Variants in IRAK1BP1 observed in about 807,000 individuals in gnomAD.
IRAK1BP1 encodes the protein interleukin-1 receptor-associated kinase 1-binding protein 1.
Under a neutral mutation model 28.0 loss-of-function variants are expected in IRAK1BP1, and 24 were observed. The ratio of observed to expected loss-of-function variants is 0.86; its 90% confidence interval spans 0.62 to 1.20. IRAK1BP1 has a LOEUF of 1.20. IRAK1BP1 is among the 50% of genes most tolerant of loss of function. The pLI is 0.00. For synonymous variants in IRAK1BP1, 131 were observed against 116.3 expected (o/e 1.13, Z -0.81); for missense variants, 336 against 316.7 (o/e 1.06, Z -0.46).
the IRAK1BP1 span, among the ~76,000 whole-genome samples, chr6:78,971,536 G>A: frequency 6.8e-4 from 104 of 152,300 alleles, no homozygotes; most frequent in African/African-American, 9.4e-4. Context: ...CAAGATGGCC[G>A]AATAGGAACA....
chr6:78,931,639 T>C (rs1773048397), intron 4 of IRAK1BP1, among the ~76,000 whole-genome samples: 1 of 152,210 alleles, frequency 6.6e-6, no homozygotes, highest in Admixed American at 6.5e-5. Context: ...GTCTGTTACA[T>C]GTGCAACAGA....
At chr6:78,928,090 G>A (rs533096347) in intron 4 of IRAK1BP1, among the ~76,000 whole-genome samples, 1 of 151,932 alleles carries the variant, frequency 6.6e-6, no homozygotes, top group East Asian at 1.9e-4. Context: ...TTGGTATTTT[G>A]ATATCTGTAG....
At chr6:78,974,756 T>C in the IRAK1BP1 span, among the ~76,000 whole-genome samples, 1 of 151,780 alleles carries the variant, frequency 6.6e-6, no homozygotes, top group African/African-American at 2.4e-5. Context: ...TCTACGCAAA[T>C]AAACTAGAAA....
At chr6:78,929,580 G>C (rs1391188877) in intron 4 of IRAK1BP1, among the ~76,000 whole-genome samples, 2 of 152,022 alleles carry the variant, frequency 1.3e-5, no homozygotes. Flanking sequence ...AAAAACTATG[G>C]GTACTATGCT....
Position 78,902,805 on chromosome 6 carries a change from TACATACATACATACA to T in IRAK1BP1, c.*4472_*4486del, listed in dbSNP as rs1262324580. The T allele has an allele frequency of 2.1e-6, 1 of 472,646 alleles. No individual in the cohort carries two copies. The highest frequency in any genetic ancestry group is 3.7e-6 in the Non-Finnish European group (1 of 268,522). 29.3% of individuals were successfully genotyped at this position (472,646 alleles called of 1,614,324 possible). A position where few individuals can be genotyped will look rare whatever the true frequency, so the allele number is the denominator to read the frequency against. ...ATACATACATACATACATACATACA[TACATACATACATACA>T]TAAAATGCCCAGTATCTTACAAGAC... is the stretch of plus-strand genomic sequence containing the variant. On this transcript the variant is annotated 3_prime_UTR_variant, in exon 4 of 4. Transcript: ENST00000369940.
Position 78,891,927 on chromosome 6 carries a change from A to G in IRAK1BP1, c.382-5902A>G, listed in dbSNP as rs551175697. ...CATTTTCCATATATTATTCCATCCA[A>G]TCTTTTTTATTTATTTTTATTGTGA... On this transcript the variant is annotated intron_variant, in intron 2 of 3. Transcript: ENST00000369940. 4.6e-5 allele frequency among the ~76,000 whole-genome samples: 7 copies of G among 152,138 alleles called. No homozygotes were observed. In the South Asian group the frequency reaches 8.3e-4, roughly 18 times the overall value.
chr6:78,922,317 G>C (rs1279392401), intron 4 of IRAK1BP1, among the ~76,000 whole-genome samples: 4 of 151,978 alleles, frequency 2.6e-5, no homozygotes, highest in Non-Finnish European at 4.4e-5. Context: ...TGGAAGAAAG[G>C]GTATCAGTAA....
At chr6:78,926,120 G>T (rs1159653488) in intron 4 of IRAK1BP1, among the ~76,000 whole-genome samples, 1 of 152,036 alleles carries the variant, frequency 6.6e-6, no homozygotes, top group African/African-American at 2.4e-5. Context: ...ATCACAATTA[G>T]ATAACATCTC....
At chr6:78,940,548 G>GTTTT (rs36155238) in intron 4 of IRAK1BP1, 18,359 of 82,562 alleles carry the variant, frequency 0.22, 4,633 homozygotes, top group East Asian at 0.41. Flanking sequence ...TCGTAAGTTT[G>GTTTT]TTTTTTTTTT....
intron 1 of IRAK1BP1, among the ~76,000 whole-genome samples, chr6:78,875,156 A>G (rs184456033): frequency 6.6e-6 from 1 of 152,318 alleles, no homozygotes; most frequent in East Asian, 1.9e-4. Flanking sequence ...AGTCATTGGA[A>G]AGATGCAAAT....
chr6:78,896,054 C>CT, intron 2 of IRAK1BP1, among the ~76,000 whole-genome samples: 1 of 152,176 alleles, frequency 6.6e-6, no homozygotes, highest in African/African-American at 2.4e-5. Flanking sequence ...GACCTGTGTG[C>CT]TAAACACTGC....
intron 2 of IRAK1BP1, among the ~76,000 whole-genome samples, chr6:78,892,506 G>T (rs1250950595): frequency 6.6e-6 from 1 of 151,656 alleles, no homozygotes; most frequent in Non-Finnish European, 1.5e-5. Context: ...ATGAACTGTG[G>T]GATTTTACAT....
chr6:78,978,567 G>T, the IRAK1BP1 span: 1 of 1,545,056 alleles, frequency 6.5e-7, no homozygotes, highest in Non-Finnish European at 8.8e-7. Context: ...GAGGAAAAAT[G>T]GATAATTTAA....
the IRAK1BP1 span, among the ~76,000 whole-genome samples, chr6:78,976,098 G>A: frequency 6.6e-6 from 1 of 150,836 alleles, no homozygotes; most frequent in African/African-American, 2.4e-5. Context: ...CAAAGCTGGA[G>A]GCATCACACT....
rs1162615547 is a variant in IRAK1BP1, at chr6:78,900,774, AG to A, written c.*2442del. On this transcript the variant is annotated 3_prime_UTR_variant, in exon 4 of 4. Coordinates refer to ENST00000369940, the MANE Select transcript of IRAK1BP1 (RefSeq NM_001010844.4). ...TACTTAACCTTGCAGTGTTATTATA[AG>A]GATTAAAGTTGATAAATATATGATC... is the stretch of plus-strand genomic sequence containing the variant. The A allele has an allele frequency of 6.6e-6, 1 of 152,212 alleles. No individual in the cohort carries two copies. The highest frequency in any genetic ancestry group is 1.5e-5 in the Non-Finnish European group (1 of 68,026). The allele number at this position is 152,212 out of a possible 1,614,324, so 9.4% of individuals were successfully genotyped here.
chr6:78,931,878 G>T (rs769520395), intron 4 of IRAK1BP1, among the ~76,000 whole-genome samples: 4 of 152,116 alleles, frequency 2.6e-5, no homozygotes, highest in Non-Finnish European at 5.9e-5. Context: ...TTTCGCAAAA[G>T]ATTTCTTTGT....
intron 4 of IRAK1BP1, among the ~76,000 whole-genome samples, chr6:78,909,654 A>G (rs1390312633): frequency 6.6e-6 from 1 of 152,192 alleles, no homozygotes; most frequent in Admixed American, 6.5e-5. Context: ...AGCAACAATA[A>G]AAAGTGGTAC....
rs1202297054 is a variant in IRAK1BP1 at position 78,899,429 on chromosome 6, C to T, written c.*1095C>T. On this transcript the variant is annotated 3_prime_UTR_variant, in exon 4 of 4. Transcript: ENST00000369940. ...GTGATAAATAATTCATAGCTTTTTA[C>T]AAAAGAATAATGAGGTATAATAGGA... 6.6e-6 allele frequency: 1 copy of T among 152,034 alleles called. No individual in the cohort carries two copies. Among genetic ancestry groups the T allele is most frequent in the Non-Finnish European group, 1.5e-5 (1 of 67,998 alleles). The allele number at this position is 152,034 out of a possible 1,614,324, so 9.4% of individuals were successfully genotyped here.
In IRAK1BP1 at chr6:78,867,703, T is replaced by G; in HGVS notation, c.127T>G (p.Ser43Ala). ...ACCGGGCTTACGCCACCCCCTCTCCTCAACACAAGCCCAAACTGCTACCCG... is the reference window on the plus strand; with the variant it reads ...ACCGGGCTTACGCCACCCCCTCTCCGCAACACAAGCCCAAACTGCTACCCG... ...TLPGLRHPLS[S>A]TQAQTATREV... is the part of the protein sequence containing the mutation. Residue 43 changes from serine to alanine, a missense_variant, in exon 1 of 4, where the codon TCA (serine) becomes GCA (alanine). Transcript: ENST00000369940. 6.2e-7 allele frequency: 1 copy of G among 1,614,146 alleles called. No individual in the cohort carries two copies. Among genetic ancestry groups the G allele is most frequent in the Non-Finnish European group, 8.5e-7 (1 of 1,180,032 alleles).
Sources: allele counts gnomAD v4.1 joint callset (sites outside exome capture counted in the v4.1 genomes callset), GRCh38; gene constraint gnomAD v4.1.1; transcripts MANE v1.5; gene names NCBI Gene and HGNC (gene_info 2026-07-23, HGNC 2026-07-21).